The following LRPPRC variants were observed in gnomAD, a reference collection of about 807,000 sequenced individuals.
The protein encoded by LRPPRC is leucine rich pentatricopeptide repeat containing, also known as leucine-rich PPR motif-containing protein, mitochondrial.
LRPPRC carries 120 observed loss-of-function variants against 180.3 expected under a neutral mutation model. The ratio of observed to expected loss-of-function variants is 0.67; its 90% CI spans 0.57 to 0.77. The LOEUF (loss-of-function observed/expected upper bound fraction) is 0.77, where lower values mean the gene tolerates loss of function less well. LRPPRC is among the 30% of genes least tolerant of loss of function. The probability of loss-of-function intolerance (pLI) is 0.00; values close to 1 mark genes in which losing one functional copy is unlikely to be tolerated. For synonymous variants in LRPPRC, 723 were observed against 600.0 expected (o/e 1.21, Z -3.00); for missense variants, 2,012 against 1,657.2 (o/e 1.21, Z -3.72).
intron 30 of LRPPRC, among the ~76,000 whole-genome samples, chr2:43,912,032 G>A (rs960907761): frequency 1.3e-5 from 2 of 152,124 alleles, no homozygotes; most frequent in Non-Finnish European, 2.9e-5. Context: ...CAAGGTCACA[G>A]AACTTTTAAG....
chr2:43,934,056 C>T, intron 25 of LRPPRC, 134 bp downstream of exon 25: 1 of 641,084 alleles, frequency 1.6e-6, no homozygotes, highest in Non-Finnish European at 2.8e-6. Context: ...AGATCCCCCT[C>T]CCCCAACATT....
At chr2:43,937,546 ATT>A (rs1048372918) in intron 23 of LRPPRC, among the ~76,000 whole-genome samples, 1 of 152,222 alleles carries the variant, frequency 6.6e-6, no homozygotes, top group African/African-American at 2.4e-5. Context: ...TAAAATTTGC[ATT>A]GCTATGAAGA....
rs1673999733 is a variant in LRPPRC at position 43,975,215 on chromosome 2, T to A, written c.740A>T (p.Asp247Val). Reference protein sequence around the residue: ...ALVTGHARAGDMENAENILTV... With the variant: ...ALVTGHARAGVMENAENILTV... ...GAGAATGTTTTCTGCATTCTCCATA[T>A]CACTACAAGTTAATTCAAAAAACAG... The change falls in exon 7 of 38, where the codon GAT becomes GTT. Residue 247 changes from aspartate to valine, a missense_variant and splice_region_variant. Physicochemically the swap from Asp to Val is radical, Grantham distance 152. Transcript: ENST00000260665. 2.1e-5 allele frequency: 34 copies of A among 1,612,524 alleles called. No individual in the cohort carries two copies. Among genetic ancestry groups the A allele is most frequent in the Non-Finnish European group, 2.9e-5 (34 of 1,179,594 alleles).
intron 25 of LRPPRC, among the ~76,000 whole-genome samples, chr2:43,926,722 A>C (rs1671892709): frequency 6.6e-6 from 1 of 152,206 alleles, no homozygotes; most frequent in Non-Finnish European, 1.5e-5. Flanking sequence ...CATACACTTT[A>C]TTCCAATAGA....
intron 23 of LRPPRC, among the ~76,000 whole-genome samples, chr2:43,943,426 G>A (rs967488423): frequency 6.6e-6 from 1 of 151,816 alleles, no homozygotes; most frequent in African/African-American, 2.4e-5. Flanking sequence ...TCAAAACTAG[G>A]AAAAACTAGA....
In LRPPRC at chr2:43,954,917, T is replaced by G. The variant is rs1673045738; in HGVS notation, c.1649+2468A>C. Among the ~76,000 whole-genome samples, 4 of 152,296 alleles carry G rather than the reference T, an allele frequency of 2.6e-5. No individual in the cohort carries two copies. In the South Asian group the frequency reaches 8.3e-4, roughly 32 times the overall value. The stretch of plus-strand genomic sequence containing the variant: ...AAGATGAGTAGTATGTAAAGTATGA[T>G]ATATTACTTTTGTTTAAACAAAACA... On this transcript the variant is annotated intron_variant, in intron 14 of 37. Transcript: ENST00000260665.
chr2:43,892,535 A>T (rs967040783), intron 36 of LRPPRC, among the ~76,000 whole-genome samples: 1 of 152,194 alleles, frequency 6.6e-6, no homozygotes, highest in African/African-American at 2.4e-5. Flanking sequence ...TCCTTTCAAA[A>T]TATTACTGCT....
intron 25 of LRPPRC, among the ~76,000 whole-genome samples, chr2:43,930,325 C>T (rs1672042893): frequency 6.6e-6 from 1 of 152,104 alleles, no homozygotes; most frequent in Admixed American, 6.6e-5. Flanking sequence ...AGATCATGGA[C>T]GTAGGATGGT....
rs79262992 is a variant in LRPPRC at position 43,959,353 on chromosome 2, T to C, written c.1582+1188A>G. ...TGGACACTTTGCCTTTCCCTTACAA[T>C]ATTACAACAAATATTTTAAGCGACA... On this transcript the variant is annotated intron_variant, in intron 13 of 37. Coordinates refer to ENST00000260665, the MANE Select transcript of LRPPRC (RefSeq NM_133259.4). 1.5e-3 allele frequency: 880 copies of C among 599,398 alleles called. 16 individuals are homozygous for C. The East Asian group carries it at 0.025, about 17-fold the overall frequency. The allele number at this position is 599,398 out of a possible 1,614,324, so 37.1% of individuals were successfully genotyped here.
chr2:43,978,767 G>A (rs1338070186), intron 3 of LRPPRC, among the ~76,000 whole-genome samples: 1 of 151,768 alleles, frequency 6.6e-6, no homozygotes, highest in Non-Finnish European at 1.5e-5. Context: ...TTTTCACATA[G>A]GTCCTACTCA....
In LRPPRC at chr2:43,934,838, A is replaced by C; in HGVS notation, c.2545T>G (p.Tyr849Asp). ...STALEVAIDCYEKYKVLPRIH... is the reference protein window; with the variant it reads ...STALEVAIDCDEKYKVLPRIH... Reference sequence around the variant, plus strand: ...CTTGGTAATACTTTATACTTTTCATAGCAGTCAATGGCGACCTCAAGAGCA... The same window carrying C: ...CTTGGTAATACTTTATACTTTTCATCGCAGTCAATGGCGACCTCAAGAGCA... The change falls in exon 24 of 38, where the codon TAT becomes GAT. Residue 849 changes from tyrosine to aspartate, a missense_variant. Tyr to Asp is a radical substitution (Grantham distance 160). Coordinates refer to ENST00000260665, the MANE Select transcript of LRPPRC (RefSeq NM_133259.4). The C allele has an allele frequency of 2.5e-6, 4 of 1,612,740 alleles. No individual in the cohort carries two copies. The highest frequency in any genetic ancestry group is 3.4e-6 in the Non-Finnish European group (4 of 1,178,822).
chr2:43,935,664 T>C (rs930539998), intron 23 of LRPPRC, among the ~76,000 whole-genome samples: 41 of 152,164 alleles, frequency 2.7e-4, no homozygotes, highest in Non-Finnish European at 1.5e-5. Flanking sequence ...AAGAAGTATT[T>C]TCCCCCCATA....
At chr2:43,979,064 G>A (rs1674184779) in intron 3 of LRPPRC, among the ~76,000 whole-genome samples, 1 of 151,852 alleles carries the variant, frequency 6.6e-6, no homozygotes, top group Non-Finnish European at 1.5e-5. Context: ...TATACTTTAA[G>A]ATTTTTTTAA....
chr2:43,980,412 G>C (rs1422748855), intron 2 of LRPPRC, among the ~76,000 whole-genome samples: 1 of 152,036 alleles, frequency 6.6e-6, no homozygotes, highest in African/African-American at 2.4e-5. Context: ...AATTAGCTGG[G>C]CGAGATGGCG....
At position 43,888,833 on chromosome 2, in the gene LRPPRC, C is replaced by CTCGGGTTCAGAGTTAAA. The variant is rs568832934; in HGVS notation, c.4129-194_4129-178dup. ...TTCATGAAATCACAAGTTCAAGGGCCTCGGGTTCAGAGTTAAAGCTAGCAG... is the reference window on the plus strand; with the variant it reads ...TTCATGAAATCACAAGTTCAAGGGCCTCGGGTTCAGAGTTAAATCGGGTTCAGAGTTAAAGCTAGCAG... On this transcript the variant is annotated intron_variant, in intron 37 of 37. Transcript: ENST00000260665. Among the ~76,000 whole-genome samples, 1,403 of 152,130 alleles carry CTCGGGTTCAGAGTTAAA rather than the reference C, an allele frequency of 9.2e-3. 72 individuals are homozygous for CTCGGGTTCAGAGTTAAA. The highest frequency in any genetic ancestry group is 0.081 in the Admixed American group (1,242 of 15,270).
At position 43,918,166 on chromosome 2, in the gene LRPPRC, C is replaced by G. The variant is rs1209668609; in HGVS notation, c.3040-33G>C. The G allele has an allele frequency of 1.9e-6, 3 of 1,599,712 alleles. No homozygotes were observed. In the African/African-American group the frequency reaches 4.0e-5, roughly 21 times the overall value. ...ACAAAGTTATTCTGTTAAATAAAAA[C>G]TGGTAATCTTTTCAATATAAAAGTA... is the stretch of plus-strand genomic sequence containing the variant. On this transcript the variant is annotated intron_variant, in intron 28 of 37. Transcript: ENST00000260665.
At chr2:43,904,385 AT>A (rs1314320605) in intron 31 of LRPPRC, 1 of 151,896 alleles carries the variant, frequency 6.6e-6, no homozygotes, top group East Asian at 2.0e-4. Context: ...CCTCTCAAGG[AT>A]GTGAACTTAT....
Position 43,992,413 on chromosome 2 carries a change from C to T in LRPPRC, c.149+3386G>A, listed in dbSNP as rs147158398. Among the ~76,000 whole-genome samples, 967 of 152,312 alleles carry T rather than the reference C, an allele frequency of 6.3e-3. 11 individuals are homozygous for T. The highest frequency in any genetic ancestry group is 0.021 in the African/African-American group (853 of 41,568). On this transcript the variant is annotated intron_variant, in intron 1 of 37. Transcript: ENST00000260665. ...AGCACTTCAAAGTAGTAGTCTGGTACGGCTAGAACGCAGGATGCCATGGGA... is the reference window on the plus strand; with the variant it reads ...AGCACTTCAAAGTAGTAGTCTGGTATGGCTAGAACGCAGGATGCCATGGGA...
At chr2:43,913,774 T>A (rs993568771) in intron 29 of LRPPRC, among the ~76,000 whole-genome samples, 8 of 152,208 alleles carry the variant, frequency 5.3e-5, no homozygotes, top group African/African-American at 1.9e-4. Context: ...TAGATTTCTA[T>A]GGTTGTGAAC....
Sources: gnomAD v4.1 joint callset for allele counts (sites outside exome capture counted in the v4.1 genomes callset) on GRCh38, gnomAD v4.1.1 for gene constraint, MANE v1.5 for transcripts, NCBI Gene and HGNC (gene_info 2026-07-23, HGNC 2026-07-21) for gene names.